The following PPM1K variants were observed in gnomAD, a reference collection of about 807,000 sequenced individuals.
PPM1K encodes protein phosphatase Mn(2+)-dependent 1K.
PPM1K carries 19 observed loss-of-function variants against 32.6 expected under a neutral mutation model. That is an observed-to-expected ratio of 0.58 (90% CI 0.41 to 0.86). The LOEUF (loss-of-function observed/expected upper bound fraction) is 0.86, where lower values mean the gene tolerates loss of function less well. Ranked by LOEUF, PPM1K falls within the 40% of genes least tolerant of loss-of-function variation. The pLI, the probability that PPM1K is intolerant of heterozygous loss-of-function variation, is 0.00. For synonymous variants in PPM1K, 159 were observed against 165.3 expected (o/e 0.96, Z 0.29); for missense variants, 362 against 461.2 (o/e 0.78, Z 1.97).
intron 3 of PPM1K, among the ~76,000 whole-genome samples, chr4:88,269,311 T>C (rs754380703): frequency 6.6e-6 from 1 of 152,232 alleles, no homozygotes; most frequent in South Asian, 2.1e-4. Flanking sequence ...CTTGAGCCCA[T>C]GGAGGCAAGC....
In PPM1K at chr4:88,268,876, G is replaced by A; in HGVS notation, c.572C>T (p.Thr191Ile). 6.2e-7 allele frequency: 1 copy of A among 1,613,628 alleles called. No individual in the cohort carries two copies. The highest frequency in any genetic ancestry group is 8.5e-7 in the Non-Finnish European group (1 of 1,179,820). ...AATACCATCTCGCAATAGGGCTACT[G>A]TTGCAGTAGTCCCAGAGGTCAGAAG... is the stretch of plus-strand genomic sequence containing the variant. ...ATLLTSGTTA[T>I]VALLRDGIEL... The change falls in exon 4 of 7, where the codon ACA (threonine) becomes ATA (isoleucine). Residue 191 changes from threonine to isoleucine, a missense_variant. Transcript: ENST00000608933.
chr4:88,278,107 G>C lies in PPM1K; in HGVS notation c.440+37C>G. ...GTGAAAGTTTAAGTAGGAAGTATAGGAACTGCAAAGTCAGGAGTGAAAGTC... is the reference window on the plus strand; with the variant it reads ...GTGAAAGTTTAAGTAGGAAGTATAGCAACTGCAAAGTCAGGAGTGAAAGTC... On this transcript the variant is annotated intron_variant, in intron 2 of 6. Transcript: ENST00000608933. This position sits in a 1 kb window ranked among gnomAD's most constrained non-coding sequence, Gnocchi z 4.2. 6.4e-7 allele frequency: 1 copy of C among 1,553,188 alleles called. No individual in the cohort carries two copies. Among genetic ancestry groups the C allele is most frequent in the Non-Finnish European group, 8.8e-7 (1 of 1,134,604 alleles).
chr4:88,273,717 G>C (rs892557204), intron 3 of PPM1K, among the ~76,000 whole-genome samples: 7 of 151,792 alleles, frequency 4.6e-5, no homozygotes, highest in African/African-American at 1.7e-4. Context: ...GGCTACCTGG[G>C]GCCAAGCATG....
At chr4:88,277,110 C>G (rs1194893273) in intron 3 of PPM1K, 33 bp downstream of exon 3, 3 of 1,540,760 alleles carry the variant, frequency 1.9e-6, no homozygotes, top group Non-Finnish European at 2.7e-6. Flanking sequence ...CATGTACTCC[C>G]TAGGATCCAA....
rs146447400 is a variant in PPM1K, at chr4:88,276,866, T to A, written c.541+277A>T. On this transcript the variant is annotated intron_variant, in intron 3 of 6. Coordinates refer to ENST00000608933, the MANE Select transcript of PPM1K (RefSeq NM_152542.5). Reference sequence around the variant, plus strand: ...GCAAACAGATTAAACATTTTTAAAATCTTTTAAAAACTAAAGTACAACATC... The same window carrying A: ...GCAAACAGATTAAACATTTTTAAAAACTTTTAAAAACTAAAGTACAACATC... 1.3e-4 allele frequency: 135 copies of A among 1,020,974 alleles called. 3 individuals carry two copies. In the East Asian group the frequency reaches 7.7e-3, roughly 58 times the overall value. The allele number at this position is 1,020,974 out of a possible 1,614,324, so 63.2% of individuals were successfully genotyped here. A position where few individuals can be genotyped will look rare whatever the true frequency, so the allele number is the denominator to read the frequency against.
chr4:88,268,457 C>T lies in PPM1K; in HGVS notation c.708-123G>A, dbSNP rs527525059. The T allele has an allele frequency of 1.9e-3, 2,181 of 1,151,038 alleles. 6 individuals carry two copies. Among genetic ancestry groups the T allele is most frequent in the Middle Eastern group, 2.7e-3 (10 of 3,654 alleles). The allele number at this position is 1,151,038 out of a possible 1,614,324, so 71.3% of individuals were successfully genotyped here. A position where few individuals can be genotyped will look rare whatever the true frequency, so the allele number is the denominator to read the frequency against. On this transcript the variant is annotated intron_variant, in intron 4 of 6. Transcript: ENST00000608933. The stretch of plus-strand genomic sequence containing the variant: ...CTAACACGGTGAAACCCCGTCTCTA[C>T]TAAAAAACAAAAAATTAGCCGAGCG...
intron 3 of PPM1K, among the ~76,000 whole-genome samples, chr4:88,269,952 T>C (rs1311795682): frequency 6.6e-6 from 1 of 152,228 alleles, no homozygotes; most frequent in Non-Finnish European, 1.5e-5. Flanking sequence ...GTGAGAATAT[T>C]GTGAAATTAT....
chr4:88,278,493 C>G lies in PPM1K; in HGVS notation c.91G>C (p.Asp31His), dbSNP rs771508331. 1.2e-6 allele frequency: 2 copies of G among 1,613,960 alleles called. No homozygotes were observed. Among genetic ancestry groups the G allele is most frequent in the African/African-American group, 2.7e-5 (2 of 74,902 alleles). Residue 31 changes from aspartate (D) to histidine (H), a missense_variant, in exon 2 of 7, where the codon GAC becomes CAC. Physicochemically the swap from Asp to His is moderately conservative, Grantham distance 81 (BLOSUM62 -1). Coordinates refer to ENST00000608933, the MANE Select transcript of PPM1K (RefSeq NM_152542.5). This position sits in a 1 kb window ranked among gnomAD's most constrained non-coding sequence, Gnocchi z 4.2. ...VLLSSRLLQD[D>H]RRVTPTCHSS... ...TGGCACGTGGGTGTCACCCGCCTGT[C>G]GTCCTGCAGCAGGCGGGAGCTTAGC...
intron 2 of PPM1K, chr4:88,277,871 G>A (rs538466682): frequency 2.0e-6 from 1 of 499,102 alleles, no homozygotes; most frequent in South Asian, 2.2e-5. Flanking sequence ...GTTATCTCAT[G>A]TACATTATGC....
chr4:88,268,612 C>T, intron 4 of PPM1K, 129 bp downstream of exon 4: 1 of 1,041,062 alleles, frequency 9.6e-7, no homozygotes, highest in Non-Finnish European at 1.4e-6. Flanking sequence ...CAGAGTGAGA[C>T]TCTGTCTCAA....
intron 3 of PPM1K, among the ~76,000 whole-genome samples, chr4:88,274,229 C>A (rs1376434676): frequency 6.6e-6 from 1 of 152,202 alleles, no homozygotes; most frequent in African/African-American, 2.4e-5. Flanking sequence ...TAATTCACTT[C>A]TATGGTTTAA....
chr4:88,282,465 C>G (rs1732051767), intron 1 of PPM1K, among the ~76,000 whole-genome samples: 1 of 152,172 alleles, frequency 6.6e-6, no homozygotes, highest in Admixed American at 6.5e-5. Flanking sequence ...GAACACAGCC[C>G]TTTTAAATAT....
chr4:88,271,199 A>G (rs1560488437), intron 3 of PPM1K: 1 of 503,502 alleles, frequency 2.0e-6, no homozygotes. Flanking sequence ...TCTGCCACAA[A>G]TAACACGCAC....
rs1397706312 is a variant in PPM1K at position 88,262,801 on chromosome 4, T to A, written c.988-75A>T. Reference sequence around the variant, plus strand: ...ATACAAAGAGAAATCAGCCTTTCCTTCCCTTGGAAATACGCTTCCCCTAGA... The same window carrying A: ...ATACAAAGAGAAATCAGCCTTTCCTACCCTTGGAAATACGCTTCCCCTAGA... On this transcript the variant is annotated intron_variant, in intron 6 of 6. Transcript: ENST00000608933. 3.4e-6 allele frequency: 5 copies of A among 1,488,012 alleles called. No homozygotes were observed. The East Asian group carries it at 1.2e-4, about 36-fold the overall frequency. 92.2% of individuals were successfully genotyped at this position (1,488,012 alleles called of 1,614,324 possible). A position where few individuals can be genotyped will look rare whatever the true frequency, so the allele number is the denominator to read the frequency against.
At chr4:88,280,079 G>A (rs1364384657) in intron 1 of PPM1K, among the ~76,000 whole-genome samples, 1 of 152,064 alleles carries the variant, frequency 6.6e-6, no homozygotes, top group Admixed American at 6.5e-5. Flanking sequence ...AAAGAATGAG[G>A]TTCCAAAGAA....
Position 88,277,142 on chromosome 4 carries a change from C to A in PPM1K, c.541+1G>T. On this transcript the variant is annotated splice_donor_variant, in intron 3 of 6. Coordinates refer to ENST00000608933, the MANE Select transcript of PPM1K (RefSeq NM_152542.5). LOFTEE classifies it high-confidence loss of function. ...CCAAGGAATGTGATAGTTTTACATA[C>A]CATCAGCAGACAGGCGGGCATGACT... 1 of 1,609,916 alleles carries A rather than the reference C, an allele frequency of 6.2e-7. No individual in the cohort carries two copies. Among genetic ancestry groups the A allele is most frequent in the Non-Finnish European group, 8.5e-7 (1 of 1,176,248 alleles).
At chr4:88,277,464 C>A in intron 2 of PPM1K, 1 of 469,240 alleles carries the variant, frequency 2.1e-6, no homozygotes, top group Non-Finnish European at 3.8e-6. Flanking sequence ...AAGTCCTTGT[C>A]CTTGAAGAAT....
chr4:88,264,021 A>G (rs1018658464), intron 6 of PPM1K, among the ~76,000 whole-genome samples: 2 of 152,250 alleles, frequency 1.3e-5, no homozygotes, highest in Non-Finnish European at 1.5e-5. Flanking sequence ...ATTCATTACA[A>G]ATTTCATTAC....
At chr4:88,263,498 G>A (rs1220114989) in intron 6 of PPM1K, among the ~76,000 whole-genome samples, 1 of 152,134 alleles carries the variant, frequency 6.6e-6, no homozygotes, top group Non-Finnish European at 1.5e-5. Context: ...GAGTGCAGTG[G>A]CACGATCTCG....
Sources: allele counts gnomAD v4.1 joint callset (sites outside exome capture counted in the v4.1 genomes callset), GRCh38; gene constraint gnomAD v4.1.1; non-coding constraint Gnocchi (gnomAD v3.1); transcripts MANE v1.5; gene names NCBI Gene and HGNC (gene_info 2026-07-23, HGNC 2026-07-21).